GRIP1: variants seen among roughly 807,000 people sequenced by gnomAD.
GRIP1 encodes the protein glutamate receptor-interacting protein 1.
A neutral mutation model predicts 129.9 loss-of-function variants in GRIP1; 45 were observed. The ratio of observed to expected loss-of-function variants is 0.35; its 90% confidence interval spans 0.27 to 0.44. The LOEUF (loss-of-function observed/expected upper bound fraction) is 0.44. Among genes scored for constraint, GRIP1 ranks in the 20% least tolerant of loss-of-function variants. The pLI, the probability that GRIP1 is intolerant of heterozygous loss-of-function variation, is 1.00. For synonymous variants in GRIP1, 530 were observed against 520.8 expected, an observed-to-expected ratio of 1.02 and a Z score of -0.24; for missense variants, 1,196 against 1,396.8, an observed-to-expected ratio of 0.86 and a Z score of 2.29.
chr12:66,647,801 T>C (rs12367264), intron 1 of GRIP1, among the ~76,000 whole-genome samples: 2,822 of 152,320 alleles, frequency 0.019, 44 homozygotes, highest in Middle Eastern at 0.041. Context: ...TTTGTCAGTA[T>C]GAATTAATTA....
intron 1 of GRIP1, among the ~76,000 whole-genome samples, chr12:66,601,683 T>C (rs2064284752): frequency 6.6e-6 from 1 of 152,196 alleles, no homozygotes; most frequent in Admixed American, 6.5e-5. Context: ...AGGCATTTGG[T>C]GCAGTTAAAC....
intron 1 of GRIP1, among the ~76,000 whole-genome samples, chr12:66,815,854 T>TTCTTTCTCTCTC (rs1555241802): frequency 8.9e-4 from 104 of 116,826 alleles, no homozygotes; most frequent in East Asian, 4.6e-3. Flanking sequence ...CTTTCTTTCT[T>TTCTTTCTCTCTC]TCTCTCTCTC....
At chr12:66,838,780 A>G (rs1364484557) in intron 1 of GRIP1, among the ~76,000 whole-genome samples, 1 of 152,180 alleles carries the variant, frequency 6.6e-6, no homozygotes, top group Non-Finnish European at 1.5e-5. Flanking sequence ...GAAGAGGTTA[A>G]AAACAAGAAA....
At chr12:66,458,326 T>C (rs7959694) in intron 9 of GRIP1, among the ~76,000 whole-genome samples, 67,801 of 152,006 alleles carry the variant, frequency 0.45, 15,307 homozygotes, top group Middle Eastern at 0.67. Context: ...TTCCACAACA[T>C]AGCTAGGGTG....
At chr12:66,851,132 A>C (rs1347170985) in intron 1 of GRIP1, among the ~76,000 whole-genome samples, 1 of 151,690 alleles carries the variant, frequency 6.6e-6, no homozygotes, top group Non-Finnish European at 1.5e-5. Context: ...TCTTGAGAAC[A>C]AAGGATAAGC....
At chr12:66,508,965 A>C (rs1196591485) in intron 7 of GRIP1, among the ~76,000 whole-genome samples, 1 of 152,202 alleles carries the variant, frequency 6.6e-6, no homozygotes, top group Admixed American at 6.5e-5. Context: ...ACACCTGCCC[A>C]AGGATTGGTG....
At chr12:66,413,954 A>G (rs1592804299) in intron 15 of GRIP1, among the ~76,000 whole-genome samples, 1 of 152,180 alleles carries the variant, frequency 6.6e-6, no homozygotes, top group Non-Finnish European at 1.5e-5. Flanking sequence ...AACTCAAAAT[A>G]GTGAAAGCCA....
At chr12:66,525,052 A>G (rs944579879) in intron 5 of GRIP1, among the ~76,000 whole-genome samples, 3 of 152,170 alleles carry the variant, frequency 2.0e-5, no homozygotes, top group African/African-American at 7.2e-5. Context: ...CTTACCAACC[A>G]AAAAAAGTCC....
chr12:66,448,421 CATT>C (rs1428398164), intron 11 of GRIP1, among the ~76,000 whole-genome samples: 1 of 152,144 alleles, frequency 6.6e-6, no homozygotes, highest in African/African-American at 2.4e-5. Context: ...TTTGGGCTTT[CATT>C]ATTTTTTATT....
chr12:66,582,980 G>A (rs1396597084), intron 2 of GRIP1, among the ~76,000 whole-genome samples: 1 of 151,300 alleles, frequency 6.6e-6, no homozygotes, highest in Admixed American at 6.6e-5. Context: ...CAAAGCTGGA[G>A]GCATCACGCT....
intron 2 of GRIP1, among the ~76,000 whole-genome samples, chr12:66,546,324 ATT>A (rs71436011): frequency 6.6e-4 from 98 of 148,234 alleles, no homozygotes; most frequent in African/African-American, 1.0e-3. Context: ...TCTCTGCATA[ATT>A]TTTTTTTTTT....
At chr12:66,607,026 T>A (rs1424015374) in intron 1 of GRIP1, among the ~76,000 whole-genome samples, 8 of 150,970 alleles carry the variant, frequency 5.3e-5, no homozygotes, top group South Asian at 4.2e-4. Context: ...AGAGAGAGAG[T>A]GTGTGTGTGT....
At chr12:66,964,991 C>A (rs531023841) in intron 1 of GRIP1, among the ~76,000 whole-genome samples, 1 of 152,138 alleles carries the variant, frequency 6.6e-6, no homozygotes, top group South Asian at 2.1e-4. Context: ...TTAGAGAATA[C>A]CCTAAAGGCT....
At chr12:66,599,673 TTTCAAAC>T (rs2064195151) in intron 1 of GRIP1, among the ~76,000 whole-genome samples, 1 of 152,108 alleles carries the variant, frequency 6.6e-6, no homozygotes, top group Non-Finnish European at 1.5e-5. Context: ...CCAGGGTGCA[TTTCAAAC>T]CCTTGAGCGT....
chr12:66,648,104 T>C (rs755289377), intron 1 of GRIP1, among the ~76,000 whole-genome samples: 9 of 152,150 alleles, frequency 5.9e-5, no homozygotes, highest in Non-Finnish European at 1.3e-4. Context: ...GCCTTCTTGC[T>C]ACCGAGGCCC....
intron 1 of GRIP1, among the ~76,000 whole-genome samples, chr12:67,003,679 C>G (rs189329395): frequency 1.3e-5 from 2 of 150,720 alleles, no homozygotes; most frequent in Non-Finnish European, 3.0e-5. Flanking sequence ...GGAGACAGAG[C>G]GAGATTCCAT....
At chr12:66,463,119 A>G in intron 8 of GRIP1, 26 bp from the exon 9 acceptor site, 1 of 1,595,612 alleles carries the variant, frequency 6.3e-7, no homozygotes, top group Non-Finnish European at 8.6e-7. Flanking sequence ...ATACTCGGTA[A>G]GAGGCAGTGC....
chr12:66,420,973 A>G (rs1252049090), intron 14 of GRIP1, among the ~76,000 whole-genome samples, 184 bp from the exon 15 acceptor site: 1 of 152,274 alleles, frequency 6.6e-6, no homozygotes, highest in African/African-American at 2.4e-5. Context: ...AAATATTTAC[A>G]AACATAAAAA....
chr12:67,001,243 G>A (rs2042546517), intron 1 of GRIP1, among the ~76,000 whole-genome samples: 1 of 152,030 alleles, frequency 6.6e-6, no homozygotes, highest in Non-Finnish European at 1.5e-5. Context: ...GCCTTAAAAG[G>A]GCCAACCATC....
Sources: allele counts gnomAD v4.1 joint callset (sites outside exome capture counted in the v4.1 genomes callset), GRCh38; gene constraint gnomAD v4.1.1; transcripts MANE v1.5; gene names NCBI Gene and HGNC (gene_info 2026-07-23, HGNC 2026-07-21).